The following KLF12 variants were observed in gnomAD, a reference collection of about 807,000 sequenced individuals.
KLF12 encodes Krueppel-like factor 12.
KLF12 carries 9 observed loss-of-function variants against 37.8 expected under a neutral mutation model. The ratio of observed to expected loss-of-function variants is 0.24; its 90% CI spans 0.14 to 0.42. The LOEUF (loss-of-function observed/expected upper bound fraction) is 0.42, where lower values mean the gene tolerates loss of function less well. Among genes scored for constraint, KLF12 ranks in the 10% least tolerant of loss-of-function variants. The pLI is 1.00. For synonymous variants in KLF12, 208 were observed against 202.1 expected (o/e 1.03, Z -0.25); for missense variants, 411 against 516.0 (o/e 0.80, Z 1.97).
chr13:73,993,689 T>C (rs1249274823), intron 2 of KLF12, among the ~76,000 whole-genome samples: 2 of 152,252 alleles, frequency 1.3e-5, no homozygotes, highest in Admixed American at 1.3e-4. Flanking sequence ...TTAACTTTAC[T>C]GTATAAATGG....
the KLF12 span, among the ~76,000 whole-genome samples, chr13:74,222,644 A>C: frequency 1.3e-5 from 2 of 152,222 alleles, no homozygotes; most frequent in African/African-American, 4.8e-5. Flanking sequence ...GTCATAATAG[A>C]ATTTTAATTA....
intron 6 of KLF12, among the ~76,000 whole-genome samples, chr13:73,745,048 A>G (rs186153292): frequency 6.6e-6 from 1 of 152,296 alleles, no homozygotes; most frequent in African/African-American, 2.4e-5. Flanking sequence ...AGTACCTAAA[A>G]TTATAGCTGC....
At chr13:73,821,061 C>G (rs985149886) in intron 4 of KLF12, among the ~76,000 whole-genome samples, 4 of 152,230 alleles carry the variant, frequency 2.6e-5, no homozygotes, top group Admixed American at 6.5e-5. Context: ...TTATAAAATA[C>G]TATCTGGCTT....
chr13:73,901,778 C>A (rs1052781135), intron 3 of KLF12, among the ~76,000 whole-genome samples: 7 of 152,156 alleles, frequency 4.6e-5, no homozygotes, highest in African/African-American at 1.7e-4. Context: ...AAGGTATCAT[C>A]CACAGTTGTA....
chr13:74,226,067 A>G, the KLF12 span, among the ~76,000 whole-genome samples: 2 of 152,174 alleles, frequency 1.3e-5, no homozygotes, highest in African/African-American at 4.8e-5. Flanking sequence ...AGATGTAGAT[A>G]TCTAAAATTT....
chr13:74,211,535 C>T, the KLF12 span, among the ~76,000 whole-genome samples: 140 of 152,136 alleles, frequency 9.2e-4, no homozygotes, highest in Non-Finnish European at 7.1e-4. Context: ...AATTTGCCCG[C>T]GGGCTTCAAT....
intron 4 of KLF12, among the ~76,000 whole-genome samples, chr13:73,837,583 C>G (rs894790253): frequency 4.6e-5 from 7 of 152,124 alleles, no homozygotes; most frequent in Admixed American, 6.6e-5. Flanking sequence ...GGGCTGCCTG[C>G]CTTTCTCTCA....
intron 7 of KLF12, 90 bp downstream of exon 7, chr13:73,715,278 A>G: frequency 9.1e-7 from 1 of 1,093,562 alleles, no homozygotes; most frequent in South Asian, 1.5e-5. Context: ...GGTACACAGG[A>G]TGAATGAGTA....
intron 5 of KLF12, among the ~76,000 whole-genome samples, chr13:73,806,343 C>T (rs1882627413): frequency 6.6e-6 from 1 of 151,604 alleles, no homozygotes. Context: ...ACCTCAGATC[C>T]ACCCGCCTCG....
intron 7 of KLF12, among the ~76,000 whole-genome samples, chr13:73,714,559 C>T (rs899561218): frequency 1.3e-5 from 2 of 152,136 alleles, no homozygotes; most frequent in Admixed American, 6.5e-5. Flanking sequence ...TTGGGCTTCA[C>T]GCAGTCCAGT....
the KLF12 span, among the ~76,000 whole-genome samples, chr13:74,287,386 G>GAGAGAGAGAT: frequency 6.6e-6 from 1 of 151,386 alleles, no homozygotes; most frequent in Non-Finnish European, 1.5e-5. Flanking sequence ...GAGAGAGAGA[G>GAGAGAGAGAT]AGAGAGAGAA....
At chr13:73,724,950 A>G (rs527355076) in intron 6 of KLF12, among the ~76,000 whole-genome samples, 1 of 151,896 alleles carries the variant, frequency 6.6e-6, no homozygotes, top group South Asian at 2.1e-4. Context: ...TACATCAGAT[A>G]GTTAGAACTA....
At chr13:73,724,516 C>T (rs1876516502) in intron 6 of KLF12, among the ~76,000 whole-genome samples, 1 of 152,082 alleles carries the variant, frequency 6.6e-6, no homozygotes, top group African/African-American at 2.4e-5. Flanking sequence ...TGTCTGAGGC[C>T]ACATGTAGGG....
chr13:74,299,521 T>C, the KLF12 span, among the ~76,000 whole-genome samples: 1 of 152,226 alleles, frequency 6.6e-6, no homozygotes, highest in Non-Finnish European at 1.5e-5. Flanking sequence ...GTTTTTCAAA[T>C]AATATCAACC....
chr13:74,235,523 T>C, the KLF12 span, among the ~76,000 whole-genome samples: 16 of 152,212 alleles, frequency 1.1e-4, no homozygotes, highest in Non-Finnish European at 2.2e-4. Context: ...TTACAAAATA[T>C]CTTTGACTAA....
chr13:74,220,660 A>G, the KLF12 span, among the ~76,000 whole-genome samples: 1 of 152,156 alleles, frequency 6.6e-6, no homozygotes, highest in Non-Finnish European at 1.5e-5. Flanking sequence ...GCGTCTTTCG[A>G]TCAACATCTC....
chr13:73,747,616 C>A (rs1878461698), intron 6 of KLF12, among the ~76,000 whole-genome samples: 1 of 152,106 alleles, frequency 6.6e-6, no homozygotes, highest in African/African-American at 2.4e-5. Flanking sequence ...TAATAATAGT[C>A]AACACTTATT....
At position 74,037,409 on chromosome 13, in the gene KLF12, C is replaced by T. The variant is rs73214804; in HGVS notation, c.-31-42356G>A. Among the ~76,000 whole-genome samples, 420 of 152,180 alleles carry T rather than the reference C, an allele frequency of 2.8e-3. 3 individuals are homozygous for T. Among genetic ancestry groups the T allele is most frequent in the Non-Finnish European group, 5.2e-3 (351 of 68,008 alleles). On this transcript the variant is annotated intron_variant, in intron 1 of 7. Transcript: ENST00000377669. ...CAATACACACTCACCCATTTAGACC[C>T]CCCATGCCTACCACATGCATCCATC...
intron 1 of KLF12, among the ~76,000 whole-genome samples, chr13:74,019,703 G>A (rs1010924884): frequency 3.9e-5 from 6 of 152,128 alleles, no homozygotes; most frequent in Admixed American, 1.3e-4. Context: ...ACGTTTTTAA[G>A]AGAATAAAAA....
Sources: gnomAD v4.1 joint callset for allele counts (sites outside exome capture counted in the v4.1 genomes callset) on GRCh38, gnomAD v4.1.1 for gene constraint, MANE v1.5 for transcripts, NCBI Gene and HGNC (gene_info 2026-07-23, HGNC 2026-07-21) for gene names.